The following FRY variants were observed in gnomAD, a reference collection of about 807,000 sequenced individuals.
FRY encodes FRY microtubule binding protein, also known as protein furry homolog.
FRY carries 128 observed loss-of-function variants against 348.4 expected under a neutral mutation model. That is an observed-to-expected ratio of 0.37 (90% CI 0.32 to 0.43). The LOEUF (loss-of-function observed/expected upper bound fraction) is 0.43, where lower values mean the gene tolerates loss of function less well. Among genes scored for constraint, FRY ranks in the 20% least tolerant of loss-of-function variants. The pLI, the probability that FRY is intolerant of heterozygous loss-of-function variation, is 1.00. For synonymous variants in FRY, 1,370 were observed against 1,374.7 expected (o/e 1.00, Z 0.08); for missense variants, 2,736 against 3,695.2 (o/e 0.74, Z 6.73).
At chr13:32,183,776 CAAAAAA>C (rs10706504) in intron 24 of FRY, among the ~76,000 whole-genome samples, 4 of 78,094 alleles carry the variant, frequency 5.1e-5, no homozygotes, top group East Asian at 3.8e-4. Flanking sequence ...ACTCTGTCTC[CAAAAAA>C]AAAAAAAAAA....
chr13:32,251,656 T>C (rs1173934971), intron 49 of FRY, among the ~76,000 whole-genome samples: 1 of 152,216 alleles, frequency 6.6e-6, no homozygotes. Flanking sequence ...TAATAATACA[T>C]GTTACCTAAC....
intron 8 of FRY, among the ~76,000 whole-genome samples, chr13:32,133,649 G>A (rs559782971): frequency 6.6e-6 from 1 of 151,986 alleles, no homozygotes; most frequent in Non-Finnish European, 1.5e-5. Flanking sequence ...GAGGACTTTA[G>A]GGATTGTTTT....
intron 1 of FRY, among the ~76,000 whole-genome samples, chr13:32,065,993 G>A (rs1874237264): frequency 1.3e-5 from 2 of 152,112 alleles, no homozygotes; most frequent in Admixed American, 6.6e-5. Flanking sequence ...AGGAAATATA[G>A]ATATTTTCTC....
Position 32,276,531 on chromosome 13 carries a change from C to T in FRY, c.8354C>T (p.Thr2785Ile), listed in dbSNP as rs1888544564. The T allele has an allele frequency of 3.1e-6, 5 of 1,598,486 alleles. No individual in the cohort carries two copies. Among genetic ancestry groups the T allele is most frequent in the Non-Finnish European group, 4.3e-6 (5 of 1,165,894 alleles). Residue 2785 changes from threonine (T) to isoleucine (I), a missense_variant, in exon 57 of 61, where the codon ACC becomes ATC. This residue lies in a region of FRY where 789 missense variants were observed against 996.2 expected (regional missense o/e 0.79). Coordinates refer to ENST00000542859, the MANE Select transcript of FRY (RefSeq NM_023037.3). Reference sequence around the variant, plus strand: ...TTAGAACTGCAAGAATATTTGGATACCTACAACAACAGGAAAGAGGCCACA... The same window carrying T: ...TTAGAACTGCAAGAATATTTGGATATCTACAACAACAGGAAAGAGGCCACA... The part of the protein sequence containing the change: ...SVLELQEYLD[T>I]YNNRKEATLS...
intron 1 of FRY, among the ~76,000 whole-genome samples, chr13:32,070,314 C>T (rs996282585): frequency 6.6e-6 from 1 of 152,174 alleles, no homozygotes; most frequent in Non-Finnish European, 1.5e-5. Flanking sequence ...AATGGTTGAA[C>T]TAATTTACAC....
intron 1 of FRY, 134 bp downstream of exon 1, chr13:32,031,999 C>CTTTCTTTCTTTCTT (rs1555245473): frequency 2.8e-5 from 17 of 618,176 alleles, no homozygotes; most frequent in East Asian, 2.3e-4. Flanking sequence ...CTTTTCTTTT[C>CTTTCTTTCTTTCTT]TCTTTCTTTC....
intron 1 of FRY, among the ~76,000 whole-genome samples, chr13:32,061,571 C>A (rs1445636263): frequency 6.6e-6 from 1 of 152,074 alleles, no homozygotes; most frequent in African/African-American, 2.4e-5. Context: ...TGCATGATTT[C>A]TTCTAAATAT....
intron 12 of FRY, 106 bp from the exon 13 acceptor site, chr13:32,147,733 G>T: frequency 1.3e-6 from 1 of 780,940 alleles, no homozygotes; most frequent in South Asian, 1.4e-5. Flanking sequence ...TTCTTTTTCT[G>T]AATTCTCTCT....
At position 32,186,355 on chromosome 13, in the gene FRY, A is replaced by G; in HGVS notation, c.3415A>G (p.Thr1139Ala). Residue 1139 changes from threonine to alanine, a missense_variant, in exon 27 of 61, where the codon ACT becomes GCT. This residue lies in a region of FRY where 33 missense variants were observed against 86.7 expected (regional missense o/e 0.38). Transcript: ENST00000542859. ...QWAGPFSIMF[T>A]PLDRYSDRNH... ...GGCAGGACCCTTCAGCATTATGTTC[A>G]CTCCTCTGGATCGTTACAGTGACAG... is the stretch of plus-strand genomic sequence containing the variant. 6.2e-7 allele frequency: 1 copy of G among 1,608,870 alleles called. No homozygotes were observed. The highest frequency in any genetic ancestry group is 8.5e-7 in the Non-Finnish European group (1 of 1,175,334).
Position 32,209,138 on chromosome 13 carries a change from A to G in FRY, c.4275+29A>G, listed in dbSNP as rs919667675. On this transcript the variant is annotated intron_variant, in intron 32 of 60. Coordinates refer to ENST00000542859, the MANE Select transcript of FRY (RefSeq NM_023037.3). The stretch of plus-strand genomic sequence containing the variant: ...AACTCAGAGGAATTGTGCTTCAAAT[A>G]GCATGGCTCCATCATCAGAAAAAAA... 2.5e-6 allele frequency: 4 copies of G among 1,613,472 alleles called. No individual in the cohort carries two copies. The African/African-American group carries it at 4.0e-5, about 16-fold the overall frequency.
chr13:32,101,505 A>G (rs1877160150), intron 2 of FRY, among the ~76,000 whole-genome samples: 1 of 152,228 alleles, frequency 6.6e-6, no homozygotes, highest in African/African-American at 2.4e-5. Context: ...TTGCTGGATC[A>G]TATGGTAGTT....
rs770178854 is a variant in FRY at position 32,265,424 on chromosome 13, A to T, written c.7780-26A>T. The T allele has an allele frequency of 5.6e-6, 9 of 1,612,094 alleles. No individual in the cohort carries two copies. In the Admixed American group the frequency reaches 1.5e-4, roughly 27 times the overall value. On this transcript the variant is annotated intron_variant, in intron 53 of 60. Coordinates refer to ENST00000542859, the MANE Select transcript of FRY (RefSeq NM_023037.3). ...TGTATGTTTTCTTACACATTGGGGG[A>T]TTCTTTTGTCTTTTTATTCTTCCAG...
At chr13:32,098,335 A>G (rs1876906151) in intron 2 of FRY, among the ~76,000 whole-genome samples, 1 of 152,070 alleles carries the variant, frequency 6.6e-6, no homozygotes, top group Admixed American at 6.5e-5. Flanking sequence ...TATCAGGTGG[A>G]ATGCTGCATG....
At chr13:32,032,276 T>C (rs1302542676) in intron 1 of FRY, among the ~76,000 whole-genome samples, 1 of 152,326 alleles carries the variant, frequency 6.6e-6, no homozygotes, top group African/African-American at 2.4e-5. Flanking sequence ...AAGTGTGATT[T>C]AATCAAAGGG....
chr13:32,164,958 T>A (rs1167912607), intron 17 of FRY, among the ~76,000 whole-genome samples: 2 of 152,240 alleles, frequency 1.3e-5, no homozygotes, highest in African/African-American at 4.8e-5. Flanking sequence ...TTCACCCTCC[T>A]CTTTCAAAGC....
intron 2 of FRY, among the ~76,000 whole-genome samples, chr13:32,097,115 G>A (rs1876785478): frequency 6.6e-6 from 1 of 152,122 alleles, no homozygotes; most frequent in Admixed American, 6.5e-5. Flanking sequence ...GCTTTGGGAT[G>A]TGGGTGGACA....
At chr13:32,186,455 G>A (rs1883034456) in intron 27 of FRY, 35 bp downstream of exon 27, 1 of 1,325,894 alleles carries the variant, frequency 7.5e-7, no homozygotes, top group East Asian at 2.3e-5. Flanking sequence ...GACTGAGTCA[G>A]ATGGATGGTC....
At chr13:32,279,344 C>G (rs1888704166) in intron 58 of FRY, among the ~76,000 whole-genome samples, 1 of 152,120 alleles carries the variant, frequency 6.6e-6, no homozygotes, top group African/African-American at 2.4e-5. Context: ...TGCGTAAGGG[C>G]CCGGAGGCAG....
At chr13:32,262,551 A>C in intron 53 of FRY, 76 bp downstream of exon 53, 1 of 1,092,798 alleles carries the variant, frequency 9.2e-7, no homozygotes, top group Non-Finnish European at 1.4e-6. Context: ...TTTTCTGAGA[A>C]TTCTTAAGGG....
Sources: allele counts gnomAD v4.1 joint callset (sites outside exome capture counted in the v4.1 genomes callset), GRCh38; gene constraint gnomAD v4.1.1; regional missense constraint gnomAD v4.1.1; transcripts MANE v1.5; gene names NCBI Gene and HGNC (gene_info 2026-07-23, HGNC 2026-07-21).